Variants in PDK1 observed in about 807,000 individuals in gnomAD.
PDK1 encodes [Pyruvate dehydrogenase (acetyl-transferring)] kinase isozyme 1, mitochondrial.
PDK1 carries 39 observed loss-of-function variants against 54.2 expected under a neutral mutation model. The ratio of observed to expected loss-of-function variants is 0.72; its 90% CI spans 0.56 to 0.94. The LOEUF is 0.94. Among genes scored for constraint, PDK1 ranks in the 40% least tolerant of loss-of-function variants. PDK1 has a pLI of 0.00. For missense variants in PDK1, 552 were observed against 566.0 expected, an observed-to-expected ratio of 0.98 and a Z score of 0.25; for synonymous variants, 221 against 207.1, an observed-to-expected ratio of 1.07 and a Z score of -0.58.
chr2:172,633,561 T>A, the PDK1 span, among the ~76,000 whole-genome samples: 2,399 of 83,868 alleles, frequency 0.029, 67 homozygotes, highest in African/African-American at 0.082. Flanking sequence ...GCCAATCTAT[T>A]TTTTTGTTTT....
chr2:172,643,668 G>A, the PDK1 span, among the ~76,000 whole-genome samples: 2 of 152,172 alleles, frequency 1.3e-5, no homozygotes, highest in South Asian at 4.1e-4. Context: ...TAGCTTGGAT[G>A]TATGGGCTGG....
chr2:172,615,893 A>G, the PDK1 span, among the ~76,000 whole-genome samples: 1 of 152,230 alleles, frequency 6.6e-6, no homozygotes, highest in African/African-American at 2.4e-5. Context: ...TTACTTTGCT[A>G]CATGCTACAT....
chr2:172,662,368 G>T, the PDK1 span, among the ~76,000 whole-genome samples: 1 of 152,012 alleles, frequency 6.6e-6, no homozygotes, highest in Non-Finnish European at 1.5e-5. Context: ...AAAATGTATC[G>T]ATAAGCAAAA....
At position 172,601,024 on chromosome 2, in the gene PDK1, A is replaced by G. The variant is rs1261704254; in HGVS notation, c.*5055A>G. On this transcript the variant is annotated 3_prime_UTR_variant, in exon 11 of 11. Transcript: ENST00000282077. The stretch of plus-strand genomic sequence containing the variant: ...TAACTGCATGAGGTCAAAAAGAGCT[A>G]TATTTGAGCTGCTGTTTGTTAAAAG... 1 of 152,208 alleles carries G rather than the reference A, an allele frequency of 6.6e-6. No homozygotes were observed. Among genetic ancestry groups the G allele is most frequent in the African/African-American group, 2.4e-5 (1 of 41,456 alleles). 9.4% of individuals were successfully genotyped at this position (152,208 alleles called of 1,614,324 possible).
the PDK1 span, among the ~76,000 whole-genome samples, chr2:172,710,831 G>A: frequency 6.6e-6 from 1 of 152,288 alleles, no homozygotes; most frequent in African/African-American, 2.4e-5. Flanking sequence ...CAAAAGCAAG[G>A]ATGCTCTAAT....
intron 9 of PDK1, among the ~76,000 whole-genome samples, chr2:172,591,311 CG>C (rs1413736745): frequency 1.3e-5 from 2 of 152,126 alleles, no homozygotes; most frequent in Non-Finnish European, 2.9e-5. Flanking sequence ...TGTCTGATTT[CG>C]GAAGACTTTT....
rs1168789719 is a variant in PDK1 at position 172,599,339 on chromosome 2, T to C, written c.*3370T>C. The stretch of plus-strand genomic sequence containing the variant: ...TCCGTAACAGAACTCCAGAGGTAAA[T>C]AGCTGGGAAAACTGTTAGTTTTAAG... On this transcript the variant is annotated 3_prime_UTR_variant, in exon 11 of 11. Transcript: ENST00000282077. 6.6e-6 allele frequency: 1 copy of C among 152,146 alleles called. No individual in the cohort carries two copies. Among genetic ancestry groups the C allele is most frequent in the African/African-American group, 2.4e-5 (1 of 41,442 alleles). The allele number at this position is 152,146 out of a possible 1,614,324, so 9.4% of individuals were successfully genotyped here.
the PDK1 span, among the ~76,000 whole-genome samples, chr2:172,627,638 G>A: frequency 6.6e-6 from 1 of 152,122 alleles, no homozygotes; most frequent in Non-Finnish European, 1.5e-5. Flanking sequence ...CCCGAAGCAT[G>A]GAAATTAAGG....
intron 8 of PDK1, among the ~76,000 whole-genome samples, chr2:172,582,755 G>T (rs1343537243): frequency 6.6e-6 from 1 of 152,062 alleles, no homozygotes; most frequent in Non-Finnish European, 1.5e-5. Context: ...AAACTCTTTT[G>T]CCTACTTTAA....
At chr2:172,659,825 C>A in the PDK1 span, among the ~76,000 whole-genome samples, 2 of 152,220 alleles carry the variant, frequency 1.3e-5, no homozygotes, top group African/African-American at 2.4e-5. Context: ...TATCTGTAAT[C>A]AATCCCTTTG....
intron 7 of PDK1, among the ~76,000 whole-genome samples, chr2:172,569,477 C>G (rs1689133105): frequency 6.6e-6 from 1 of 152,008 alleles, no homozygotes; most frequent in African/African-American, 2.4e-5. Context: ...GGGCACAGGT[C>G]CTGGTGGGTG....
At chr2:172,625,011 A>T in the PDK1 span, among the ~76,000 whole-genome samples, 1 of 151,014 alleles carries the variant, frequency 6.6e-6, no homozygotes, top group African/African-American at 2.4e-5. Flanking sequence ...CATGCCAGGG[A>T]GCGGGGGTGA....
the PDK1 span, among the ~76,000 whole-genome samples, chr2:172,657,159 G>A: frequency 1.3e-5 from 2 of 152,034 alleles, no homozygotes; most frequent in East Asian, 1.9e-4. Flanking sequence ...ATGGATCTAA[G>A]AAGAATTGTT....
the PDK1 span, among the ~76,000 whole-genome samples, chr2:172,639,417 A>T: frequency 6.6e-6 from 1 of 152,162 alleles, no homozygotes; most frequent in East Asian, 1.9e-4. Flanking sequence ...CTAGGTTCCC[A>T]TGTGTCTTAG....
At chr2:172,708,210 G>C in the PDK1 span, among the ~76,000 whole-genome samples, 1 of 151,898 alleles carries the variant, frequency 6.6e-6, no homozygotes, top group African/African-American at 2.4e-5. Flanking sequence ...GATCACCTGA[G>C]CCTGGGTGGT....
the PDK1 span, among the ~76,000 whole-genome samples, chr2:172,627,623 G>C: frequency 6.6e-6 from 1 of 151,986 alleles, no homozygotes; most frequent in African/African-American, 2.4e-5. Flanking sequence ...AGGCCTGTGG[G>C]CCCCCCCGAA....
At chr2:172,590,004 T>C (rs1690480554) in intron 9 of PDK1, among the ~76,000 whole-genome samples, 1 of 151,952 alleles carries the variant, frequency 6.6e-6, no homozygotes, top group Non-Finnish European at 1.5e-5. Context: ...AGAAAGCTCT[T>C]TTTAGAAGCT....
At chr2:172,721,566 G>A in the PDK1 span, among the ~76,000 whole-genome samples, 1 of 152,194 alleles carries the variant, frequency 6.6e-6, no homozygotes, top group East Asian at 1.9e-4. Flanking sequence ...TCGAACTCCT[G>A]ACCTCAGGTA....
chr2:172,615,787 T>C, the PDK1 span, among the ~76,000 whole-genome samples: 12 of 152,210 alleles, frequency 7.9e-5, no homozygotes, highest in Non-Finnish European at 1.6e-4. Context: ...GGCTATATAA[T>C]GAGACTTATT....
Sources: allele counts gnomAD v4.1 joint callset (sites outside exome capture counted in the v4.1 genomes callset), GRCh38; gene constraint gnomAD v4.1.1; transcripts MANE v1.5; gene names NCBI Gene and HGNC (gene_info 2026-07-23, HGNC 2026-07-21).